Variants in ALPL observed in about 807,000 individuals in gnomAD.
ALPL encodes alkaline phosphatase, biomineralization associated, also known as alkaline phosphatase, tissue-nonspecific isozyme.
ALPL carries 42 observed loss-of-function variants against 51.3 expected under a neutral mutation model. That is an observed-to-expected ratio of 0.82 (90% CI 0.64 to 1.06). The LOEUF (loss-of-function observed/expected upper bound fraction) is 1.06, where lower values mean the gene tolerates loss of function less well. ALPL is among the 50% of genes least tolerant of loss of function. ALPL has a pLI of 0.00. For synonymous variants in ALPL, 279 were observed against 296.4 expected, an observed-to-expected ratio of 0.94 and a Z score of 0.60; for missense variants, 589 against 709.4, an observed-to-expected ratio of 0.83 and a Z score of 1.93.
chr1:21,566,975 G>T (rs571561834), intron 6 of ALPL, among the ~76,000 whole-genome samples: 2 of 152,288 alleles, frequency 1.3e-5, no homozygotes, highest in African/African-American at 4.8e-5. Flanking sequence ...ATAGAGTCAG[G>T]GTTCAAACCC....
At position 21,570,343 on chromosome 1, in the gene ALPL, C is replaced by T. The variant is rs1458491740; in HGVS notation, c.831C>T (p.Thr277=). Residue 277 remains threonine (T), a synonymous_variant, in exon 8 of 12, where the codon ACC becomes ACT. Coordinates refer to ENST00000374840, the MANE Select transcript of ALPL (RefSeq NM_000478.6). ...HFIWNRTELL[T]LDPHNVDYLL... ...TCTGGAACCGCACGGAACTCCTGACCCTTGACCCCCACAATGTGGACTACC... is the reference window on the plus strand; with the variant it reads ...TCTGGAACCGCACGGAACTCCTGACTCTTGACCCCCACAATGTGGACTACC... 3 of 1,614,122 alleles carry T rather than the reference C, an allele frequency of 1.9e-6. 1 individual carries two copies. Among genetic ancestry groups the T allele is most frequent in the Non-Finnish European group, 8.5e-7 (1 of 1,180,030 alleles).
intron 1 of ALPL, among the ~76,000 whole-genome samples, chr1:21,548,896 CG>C (rs1326350500): frequency 3.3e-5 from 5 of 152,164 alleles, no homozygotes; most frequent in African/African-American, 1.2e-4. Flanking sequence ...ACATACACTG[CG>C]TTTGATTCTT....
chr1:21,547,353 G>A (rs1644265983), intron 1 of ALPL, among the ~76,000 whole-genome samples: 3 of 152,252 alleles, frequency 2.0e-5, no homozygotes, highest in East Asian at 1.9e-4. Context: ...TAGTGTGACC[G>A]AGTGTGTGCA....
intron 2 of ALPL, among the ~76,000 whole-genome samples, chr1:21,555,081 G>T (rs908363500): frequency 5.9e-5 from 9 of 151,660 alleles, no homozygotes; most frequent in African/African-American, 1.7e-4. Flanking sequence ...GGGAGATATG[G>T]GTGGGGCCGT....
chr1:21,555,727 T>G (rs1431323699), intron 2 of ALPL, among the ~76,000 whole-genome samples: 1 of 150,744 alleles, frequency 6.6e-6, no homozygotes, highest in African/African-American at 2.4e-5. Context: ...CTTTTTCTTG[T>G]CATTTGTAGT....
intron 4 of ALPL, 112 bp downstream of exon 4, chr1:21,561,324 C>G: frequency 1.1e-6 from 1 of 879,644 alleles, no homozygotes; most frequent in Non-Finnish European, 1.9e-6. Flanking sequence ...CCTCCATGCC[C>G]AAGCCCACTC....
At chr1:21,522,112 C>T (rs1643888481) in intron 1 of ALPL, among the ~76,000 whole-genome samples, 1 of 150,146 alleles carries the variant, frequency 6.7e-6, no homozygotes, top group Non-Finnish European at 1.5e-5. Flanking sequence ...CGCTCTGTCG[C>T]CCAGGCTGGA....
chr1:21,545,384 G>A (rs539344960), intron 1 of ALPL, among the ~76,000 whole-genome samples: 4 of 152,062 alleles, frequency 2.6e-5, no homozygotes, highest in South Asian at 2.1e-4. Flanking sequence ...TCCGCCACCC[G>A]GGTTCAAGCG....
intron 1 of ALPL, among the ~76,000 whole-genome samples, chr1:21,537,317 GC>G (rs1340644316): frequency 1.3e-5 from 2 of 152,190 alleles, no homozygotes; most frequent in African/African-American, 4.8e-5. Context: ...ACCCTGGGCT[GC>G]CCCCACTGAT....
At chr1:21,520,203 C>T (rs182759898) in intron 1 of ALPL, among the ~76,000 whole-genome samples, 6 of 152,126 alleles carry the variant, frequency 3.9e-5, no homozygotes, top group East Asian at 1.9e-4. Flanking sequence ...TAGTTGACTG[C>T]GGCCTTGACT....
intron 1 of ALPL, among the ~76,000 whole-genome samples, chr1:21,515,646 C>G (rs775307710): frequency 6.6e-6 from 1 of 152,202 alleles, no homozygotes; most frequent in South Asian, 2.1e-4. Context: ...TCCTCGGCCT[C>G]GCAAAGTGCT....
At position 21,564,085 on chromosome 1, in the gene ALPL, A is replaced by AC; in HGVS notation, c.522dup (p.Ser175GlnfsTer9). 6.2e-7 allele frequency: 1 copy of AC among 1,613,850 alleles called. No individual in the cohort carries two copies. Among genetic ancestry groups the AC allele is most frequent in the Non-Finnish European group, 8.5e-7 (1 of 1,179,944 alleles). ...GACCACCACGAGAGTGAACCATGCC[A>AC]CCCCCAGCGCCGCCTACGCCCACTC... On this transcript the variant is annotated frameshift_variant, in exon 6 of 12. Transcript: ENST00000374840. LOFTEE classifies it high-confidence loss of function. This position sits in a 1 kb window ranked among gnomAD's most constrained non-coding sequence, Gnocchi z 5.8.
At chr1:21,527,493 G>C (rs1643963615) in intron 1 of ALPL, among the ~76,000 whole-genome samples, 1 of 151,382 alleles carries the variant, frequency 6.6e-6, no homozygotes, top group Non-Finnish European at 1.5e-5. Context: ...GGGGCGAGGG[G>C]CTGTCTTTTT....
At chr1:21,540,648 C>T (rs754615802) in intron 1 of ALPL, among the ~76,000 whole-genome samples, 3 of 152,150 alleles carry the variant, frequency 2.0e-5, no homozygotes, top group African/African-American at 4.8e-5. Context: ...GAATGCAAGC[C>T]GCCTGCTCGT....
intron 2 of ALPL, among the ~76,000 whole-genome samples, chr1:21,559,394 A>C (rs927347622): frequency 1.3e-5 from 2 of 152,172 alleles, no homozygotes; most frequent in Non-Finnish European, 2.9e-5. Flanking sequence ...CAGGTGTGTC[A>C]CTTGCCTTAT....
intron 4 of ALPL, among the ~76,000 whole-genome samples, chr1:21,561,662 A>G (rs1020780539): frequency 2.5e-5 from 3 of 122,304 alleles, no homozygotes; most frequent in Non-Finnish European, 3.2e-5. Context: ...CGGCCTATAT[A>G]TGCCTTTTTT....
At position 21,554,096 on chromosome 1, in the gene ALPL, C is replaced by A; in HGVS notation, c.15C>A (p.Phe5Leu). 6.5e-7 allele frequency: 1 copy of A among 1,540,622 alleles called. No homozygotes were observed. The highest frequency in any genetic ancestry group is 1.1e-5 in the South Asian group (1 of 89,910). The change falls in exon 2 of 12, where the codon TTC becomes TTA. Residue 5 changes from phenylalanine (F) to leucine (L), a missense_variant. Transcript: ENST00000374840. MISP[F>L]LVLAIGTCLT... Reference sequence around the variant, plus strand: ...TGGGGTGCACCATGATTTCACCATTCTTAGTACTGGCCATTGGCACCTGCC... The same window carrying A: ...TGGGGTGCACCATGATTTCACCATTATTAGTACTGGCCATTGGCACCTGCC...
intron 5 of ALPL, among the ~76,000 whole-genome samples, chr1:21,563,618 G>A (rs1295020786): frequency 6.6e-6 from 1 of 152,180 alleles, no homozygotes; most frequent in Non-Finnish European, 1.5e-5. Context: ...GCAGTCCATG[G>A]CCACGCCCCT....
In ALPL at chr1:21,568,219, C is replaced by T; in HGVS notation, c.764C>T (p.Thr255Ile). ...TRLDGLDLVD[T>I]WKSFKPRYKH... ...CTGGACGGCCTGGACCTCGTTGACA[C>T]CTGGAAGAGCTTCAAACCGAGATAC... Residue 255 changes from threonine to isoleucine, a missense_variant, in exon 7 of 12, where the codon ACC becomes ATC. Physicochemically the swap from Thr to Ile is moderately conservative, Grantham distance 89. Transcript: ENST00000374840. 3 of 1,613,996 alleles carry T rather than the reference C, an allele frequency of 1.9e-6. No homozygotes were observed. The highest frequency in any genetic ancestry group is 1.7e-6 in the Non-Finnish European group (2 of 1,179,990).
Sources: gnomAD v4.1 joint callset for allele counts (sites outside exome capture counted in the v4.1 genomes callset) on GRCh38, gnomAD v4.1.1 for gene constraint, Gnocchi (gnomAD v3.1) non-coding constraint, MANE v1.5 for transcripts, NCBI Gene and HGNC (gene_info 2026-07-23, HGNC 2026-07-21) for gene names.